FAM13A: variants seen among roughly 807,000 people sequenced by gnomAD.
FAM13A encodes protein FAM13A.
In FAM13A, 76 loss-of-function variants were observed where a neutral mutation model predicts 129.6. The observed-to-expected ratio is 0.59, with a 90% CI of 0.49 to 0.71. The LOEUF is 0.71. FAM13A is among the 30% of genes least tolerant of loss of function. The probability of loss-of-function intolerance (pLI) is 0.00; values close to 1 mark genes in which losing one functional copy is unlikely to be tolerated. For missense variants in FAM13A, 1,108 were observed against 1,249.3 expected (o/e 0.89, Z 1.70); for synonymous variants, 443 against 449.9 (o/e 0.98, Z 0.20).
At chr4:88,749,216 T>C (rs113534340) in intron 16 of FAM13A, among the ~76,000 whole-genome samples, 183 bp from the exon 17 acceptor site, 1 of 152,230 alleles carries the variant, frequency 6.6e-6, no homozygotes, top group Non-Finnish European at 1.5e-5. Flanking sequence ...TTATATTTGG[T>C]TATTGTGATG....
In FAM13A at chr4:89,024,453, C is replaced by T. The variant is rs550474972; in HGVS notation, c.218-3784G>A. On this transcript the variant is annotated intron_variant, in intron 2 of 23. Coordinates refer to ENST00000264344, the MANE Select transcript of FAM13A (RefSeq NM_014883.4). ...ATCTGCTTAAAGGGCTTGATATAGG[C>T]CTTTCTGTCTTAAAAATTCCTTTAC... 3.3e-5 allele frequency among the ~76,000 whole-genome samples: 5 copies of T among 152,248 alleles called. No homozygotes were observed. The South Asian group carries it at 1.0e-3, about 32-fold the overall frequency.
Position 88,985,447 on chromosome 4 carries a change from C to G in FAM13A, c.605+5526G>C, listed in dbSNP as rs78681184. Among the ~76,000 whole-genome samples the G allele has an allele frequency of 5.3e-5, 8 of 152,126 alleles. No homozygotes were observed. The South Asian group carries it at 1.7e-3, about 32-fold the overall frequency. ...TATATACTTCACATGGCAAATTGTACGGTATATAAACGGTGTCTCAATAAA... is the reference window on the plus strand; with the variant it reads ...TATATACTTCACATGGCAAATTGTAGGGTATATAAACGGTGTCTCAATAAA... On this transcript the variant is annotated intron_variant, in intron 4 of 23. Coordinates refer to ENST00000264344, the MANE Select transcript of FAM13A (RefSeq NM_014883.4).
At chr4:88,987,230 GA>G (rs60194594) in intron 4 of FAM13A, among the ~76,000 whole-genome samples, 47,734 of 150,162 alleles carry the variant, frequency 0.32, 7,925 homozygotes, top group Middle Eastern at 0.47. Flanking sequence ...AAAAGAAAAA[GA>G]AAAAAAAATA....
intron 9 of FAM13A, among the ~76,000 whole-genome samples, chr4:88,788,905 C>A (rs1388755636): frequency 6.6e-6 from 1 of 152,020 alleles, no homozygotes; most frequent in Non-Finnish European, 1.5e-5. Context: ...CATAGTTATT[C>A]AAATTTTATT....
intron 4 of FAM13A, among the ~76,000 whole-genome samples, chr4:88,980,136 A>C (rs1316483562): frequency 6.6e-6 from 1 of 152,218 alleles, no homozygotes; most frequent in Non-Finnish European, 1.5e-5. Context: ...TAAGTTTTTA[A>C]ATAAAGGTTA....
At chr4:88,922,736 C>A (rs1751345081) in intron 5 of FAM13A, among the ~76,000 whole-genome samples, 1 of 151,834 alleles carries the variant, frequency 6.6e-6, no homozygotes, top group Non-Finnish European at 1.5e-5. Flanking sequence ...ACACAAAAAA[C>A]CTTCAAAAAA....
intron 4 of FAM13A, 149 bp downstream of exon 4, chr4:88,990,824 T>G (rs1579655145): frequency 1.9e-6 from 1 of 537,872 alleles, no homozygotes; most frequent in East Asian, 3.0e-5. Flanking sequence ...AAAACAAGGC[T>G]AACATGCCCA....
intron 3 of FAM13A, among the ~76,000 whole-genome samples, chr4:89,005,825 G>A (rs983560270): frequency 2.0e-5 from 3 of 152,150 alleles, no homozygotes; most frequent in Admixed American, 1.3e-4. Context: ...TTTGTCAGAT[G>A]CATAGTTTGC....
At chr4:88,853,601 C>A (rs1737989552) in intron 6 of FAM13A, among the ~76,000 whole-genome samples, 1 of 152,152 alleles carries the variant, frequency 6.6e-6, no homozygotes, top group African/African-American at 2.4e-5. Context: ...TTAAAGCAAG[C>A]ACAAGGACAG....
At chr4:88,883,259 T>A (rs1487927930) in intron 6 of FAM13A, among the ~76,000 whole-genome samples, 1 of 152,036 alleles carries the variant, frequency 6.6e-6, no homozygotes, top group Non-Finnish European at 1.5e-5. Flanking sequence ...GACCACACGA[T>A]AAGCCACAAA....
intron 23 of FAM13A, 168 bp from the exon 24 acceptor site, chr4:88,728,827 TAATGA>T (rs905566664): frequency 4.6e-6 from 3 of 658,916 alleles, no homozygotes; most frequent in Non-Finnish European, 7.5e-6. Flanking sequence ...TTTAGACAAG[TAATGA>T]AAATGTTTCA....
intron 7 of FAM13A, among the ~76,000 whole-genome samples, chr4:88,807,681 C>T (rs2149761161): frequency 6.6e-6 from 1 of 152,292 alleles, no homozygotes; most frequent in Middle Eastern, 3.4e-3. Flanking sequence ...CCTTGTCATG[C>T]TTCTGATTAT....
chr4:88,767,920 A>T, intron 12 of FAM13A, 63 bp downstream of exon 12: 1 of 967,216 alleles, frequency 1.0e-6, no homozygotes, highest in Non-Finnish European at 1.7e-6. Flanking sequence ...TTCACATTGC[A>T]TTACATGAAA....
At position 88,816,180 on chromosome 4, in the gene FAM13A, C is replaced by T. The variant is rs915383234; in HGVS notation, c.1008-11128G>A. Among the ~76,000 whole-genome samples the T allele has an allele frequency of 1.1e-4, 16 of 152,134 alleles. No homozygotes were observed. The East Asian group carries it at 3.1e-3, about 29-fold the overall frequency. ...AAATAGGAACTTCATTTTCCTTAAA[C>T]TGCATTAATGAATACAGTAACTCTG... On this transcript the variant is annotated intron_variant, in intron 7 of 23. Transcript: ENST00000264344.
Position 88,726,898 on chromosome 4 carries a change from A to AAACTT in FAM13A, c.*1630_*1634dup, listed in dbSNP as rs1251278194. On this transcript the variant is annotated 3_prime_UTR_variant, in exon 24 of 24. Transcript: ENST00000264344. ...CTCAAGCTTCCATACGATTAAGAGC[A>AAACTT]AACTTAAAGGCATTCTTTTTCCCCA... The AAACTT allele has an allele frequency of 2.6e-5, 4 of 152,664 alleles. No homozygotes were observed. Among genetic ancestry groups the AAACTT allele is most frequent in the African/African-American group, 9.6e-5 (4 of 41,466 alleles). 9.5% of individuals were successfully genotyped at this position (152,664 alleles called of 1,614,324 possible).
At chr4:89,033,267 G>A (rs2149137418) in intron 1 of FAM13A, among the ~76,000 whole-genome samples, 1 of 152,258 alleles carries the variant, frequency 6.6e-6, no homozygotes, top group African/African-American at 2.4e-5. Context: ...AACTTTTATG[G>A]AGTCTTTAGT....
At chr4:88,823,124 C>A in intron 7 of FAM13A, 1 of 1,522,300 alleles carries the variant, frequency 6.6e-7, no homozygotes, top group South Asian at 1.3e-5. Flanking sequence ...GAGGCTGCAC[C>A]GCACGGCTGG....
At chr4:89,031,665 A>T (rs1044037335) in intron 1 of FAM13A, among the ~76,000 whole-genome samples, 1 of 152,208 alleles carries the variant, frequency 6.6e-6, no homozygotes, top group African/African-American at 2.4e-5. Flanking sequence ...AAGTAATGGA[A>T]AGCTAATTAA....
chr4:88,880,391 C>T (rs1007786434), intron 6 of FAM13A, among the ~76,000 whole-genome samples: 5 of 151,974 alleles, frequency 3.3e-5, no homozygotes, highest in Admixed American at 1.3e-4. Flanking sequence ...GAGAGCCAAG[C>T]GAAATATCAG....
Sources: allele counts gnomAD v4.1 joint callset (sites outside exome capture counted in the v4.1 genomes callset), GRCh38; gene constraint gnomAD v4.1.1; transcripts MANE v1.5; gene names NCBI Gene and HGNC (gene_info 2026-07-23, HGNC 2026-07-21).